PCDHGA7: variants seen among roughly 807,000 people sequenced by gnomAD.
PCDHGA7 encodes protocadherin gamma-A7.
In PCDHGA7, 44 loss-of-function variants were observed where a neutral mutation model predicts 58.3. The observed-to-expected ratio is 0.75, with a 90% CI of 0.59 to 0.97. The LOEUF (loss-of-function observed/expected upper bound fraction) is 0.97. Among genes scored for constraint, PCDHGA7 ranks in the 50% least tolerant of loss-of-function variants. PCDHGA7 has a pLI of 0.00. For synonymous variants in PCDHGA7, 516 were observed against 504.2 expected (o/e 1.02, Z -0.31); for missense variants, 1,266 against 1,188.7 (o/e 1.06, Z -0.96).
Position 141,483,626 on chromosome 5 carries a change from G to A in PCDHGA7, c.2425-11181G>A, listed in dbSNP as rs112905417. On this transcript the variant is annotated intron_variant, in intron 1 of 3. Coordinates refer to ENST00000518325, the MANE Select transcript of PCDHGA7 (RefSeq NM_018920.4). ...TTACACCTCCATCATTCCCATGGGA[G>A]AAGGTATAGAGGGGTGTGTGTTTGT... Among the ~76,000 whole-genome samples the A allele has an allele frequency of 6.0e-4, 90 of 150,886 alleles. 1 individual carries two copies. The highest frequency in any genetic ancestry group is 1.7e-3 in the African/African-American group (69 of 40,378).
Position 141,489,358 on chromosome 5 carries a change from G to C in PCDHGA7, c.2425-5449G>C. 1 of 1,613,144 alleles carries C rather than the reference G, an allele frequency of 6.2e-7. No homozygotes were observed. The highest frequency in any genetic ancestry group is 1.7e-4 in the Middle Eastern group (1 of 6,052). On this transcript the variant is annotated intron_variant, in intron 1 of 3. Coordinates refer to ENST00000518325, the MANE Select transcript of PCDHGA7 (RefSeq NM_018920.4). The surrounding 1 kb of genome is among the most constrained non-coding windows in gnomAD (Gnocchi z 4.5). ...TCGTTACTCAGTGGTGGAGGAGTCT[G>C]AGCCGGGGACGCTGGTGGGGAATGT...
rs2099883798 is a variant in PCDHGA7, at chr5:141,511,451, AT to A, written c.*281del. On this transcript the variant is annotated 3_prime_UTR_variant, in exon 4 of 4. Transcript: ENST00000518325. ...GGGGTTACTGTAGACACCAAGAACC[AT>A]TTGCCACACCCCGTTTAGTTACAGC... The A allele has an allele frequency of 3.3e-6, 2 of 606,372 alleles. No individual in the cohort carries two copies. Among genetic ancestry groups the A allele is most frequent in the African/African-American group, 1.9e-5 (1 of 53,734 alleles). 37.6% of individuals were successfully genotyped at this position (606,372 alleles called of 1,614,324 possible).
At position 141,404,150 on chromosome 5, in the gene PCDHGA7, G is replaced by A. The variant is rs1325217999; in HGVS notation, c.2424+18827G>A. ...TTTTACATTAGAAAATTCAGAAGAA[G>A]ATTATTACAGATTGTTGACGGCCCA... is the stretch of plus-strand genomic sequence containing the variant. On this transcript the variant is annotated intron_variant, in intron 1 of 3. Coordinates refer to ENST00000518325, the MANE Select transcript of PCDHGA7 (RefSeq NM_018920.4). 5.0e-6 allele frequency: 8 copies of A among 1,612,830 alleles called. 1 individual carries two copies. In the Middle Eastern group the frequency reaches 6.6e-4, roughly 133 times the overall value.
At chr5:141,482,852 A>G (rs1237049208) in intron 1 of PCDHGA7, among the ~76,000 whole-genome samples, 1 of 144,420 alleles carries the variant, frequency 6.9e-6, no homozygotes, top group Non-Finnish European at 1.5e-5. Flanking sequence ...TGGGCAGATC[A>G]CTTGAGGTCA....
intron 1 of PCDHGA7, chr5:141,442,378 GGT>G (rs2098320015): frequency 6.6e-6 from 1 of 152,334 alleles, no homozygotes; most frequent in Middle Eastern, 3.4e-3. Context: ...ATTCCTACCA[GGT>G]GTGTGCTTCT....
intron 1 of PCDHGA7, among the ~76,000 whole-genome samples, chr5:141,482,767 A>G (rs2099572087): frequency 6.6e-6 from 1 of 150,474 alleles, no homozygotes; most frequent in East Asian, 1.9e-4. Flanking sequence ...TTTCATTATC[A>G]CTGAACCTTA....
At chr5:141,413,763 G>A (rs964376306) in intron 1 of PCDHGA7, 6 of 1,612,814 alleles carry the variant, frequency 3.7e-6, no homozygotes, top group Non-Finnish European at 5.1e-6. Context: ...TCAAGTACCC[G>A]GAGCTGGTAC....
chr5:141,458,718 C>T (rs569153299), intron 1 of PCDHGA7, among the ~76,000 whole-genome samples: 3 of 151,942 alleles, frequency 2.0e-5, no homozygotes, highest in African/African-American at 4.8e-5. Context: ...TACAGGTATT[C>T]GCCACCACAT....
chr5:141,421,597 AT>A (rs2096587022), intron 1 of PCDHGA7: 1 of 1,613,878 alleles, frequency 6.2e-7, no homozygotes, highest in Non-Finnish European at 8.5e-7. Flanking sequence ...GGAGGTGGAA[AT>A]AATAGATATT....
chr5:141,440,393 G>A (rs1444541990), intron 1 of PCDHGA7: 1 of 152,180 alleles, frequency 6.6e-6, no homozygotes, highest in Admixed American at 6.5e-5. Flanking sequence ...TTGAACCCGA[G>A]AGGCAATCGC....
At position 141,471,056 on chromosome 5, in the gene PCDHGA7, T is replaced by C. The variant is rs1367189715; in HGVS notation, c.2425-23751T>C. On this transcript the variant is annotated intron_variant, in intron 1 of 3. Coordinates refer to ENST00000518325, the MANE Select transcript of PCDHGA7 (RefSeq NM_018920.4). ...ACAAGCCCAAGCCCTCTTTTTTTTT[T>C]TTTTTTTTTTGAGACAGGGTCTCCC... Among the ~76,000 whole-genome samples, 581 of 150,056 alleles carry C rather than the reference T, an allele frequency of 3.9e-3. 6 individuals are homozygous for C. Among genetic ancestry groups the C allele is most frequent in the Admixed American group, 0.011 (167 of 15,092 alleles).
rs1486554010 is a variant in PCDHGA7 at position 141,431,630 on chromosome 5, G to C, written c.2424+46307G>C. Reference sequence around the variant, plus strand: ...GTATGTGGACGACAAGGCGGCCCAAGTTTTCAAACTAGATTGTAATTCAGG... The same window carrying C: ...GTATGTGGACGACAAGGCGGCCCAACTTTTCAAACTAGATTGTAATTCAGG... On this transcript the variant is annotated intron_variant, in intron 1 of 3. Transcript: ENST00000518325. This position sits in a 1 kb window ranked among gnomAD's most constrained non-coding sequence, Gnocchi z 4.8. 6.2e-7 allele frequency: 1 copy of C among 1,614,250 alleles called. No individual in the cohort carries two copies. Among genetic ancestry groups the C allele is most frequent in the East Asian group, 2.2e-5 (1 of 44,882 alleles).
intron 1 of PCDHGA7, chr5:141,427,887 C>T (rs759734297): frequency 3.8e-6 from 6 of 1,565,908 alleles, no homozygotes; most frequent in South Asian, 1.1e-5. Flanking sequence ...GGCCCACGAC[C>T]AGGGCTCGCC....
In PCDHGA7 at chr5:141,432,986, G is replaced by A. The variant is rs2097557714; in HGVS notation, c.2424+47663G>A. ...AGCGCCGGCGTCGCACTTTGTGGGC[G>A]TGGACGGGGTGCAGGCTTTCCTGCA... On this transcript the variant is annotated intron_variant, in intron 1 of 3. Transcript: ENST00000518325. This position sits in a 1 kb window ranked among gnomAD's most constrained non-coding sequence, Gnocchi z 6.0. 6 of 1,614,258 alleles carry A rather than the reference G, an allele frequency of 3.7e-6. No individual in the cohort carries two copies. In the Middle Eastern group the frequency reaches 4.9e-4, roughly 133 times the overall value.
chr5:141,443,274 A>G (rs1259320198), intron 1 of PCDHGA7, among the ~76,000 whole-genome samples: 12 of 151,534 alleles, frequency 7.9e-5, no homozygotes, highest in African/African-American at 1.7e-4. Context: ...TGAGCCCAGG[A>G]GTTTGAGACC....
chr5:141,422,150 T>A (rs773805631), intron 1 of PCDHGA7: 1 of 1,577,174 alleles, frequency 6.3e-7, no homozygotes, highest in Non-Finnish European at 8.6e-7. Context: ...CGGGGGTCTC[T>A]GGATTTTGAA....
chr5:141,461,392 A>G (rs781666201), intron 1 of PCDHGA7, among the ~76,000 whole-genome samples: 18 of 152,178 alleles, frequency 1.2e-4, no homozygotes, highest in Non-Finnish European at 2.2e-4. Context: ...ATGATTAGCG[A>G]TGTTGAGCAT....
At position 141,429,387 on chromosome 5, in the gene PCDHGA7, TAAAAA is replaced by T. The variant is rs11410533; in HGVS notation, c.2424+44068_2424+44072del. On this transcript the variant is annotated intron_variant, in intron 1 of 3. Transcript: ENST00000518325. ...AAATGGAGAAAATGTGTTTTTTTTT[TAAAAA>T]AAATTGAGATTAAGGTCTCATTATG... 8.8e-4 allele frequency among the ~76,000 whole-genome samples: 134 copies of T among 151,448 alleles called. 1 individual carries two copies. Among genetic ancestry groups the T allele is most frequent in the Non-Finnish European group, 1.5e-3 (103 of 67,818 alleles).
intron 1 of PCDHGA7, chr5:141,423,619 T>A (rs1389600826): frequency 1.2e-6 from 2 of 1,608,208 alleles, no homozygotes; most frequent in Non-Finnish European, 1.7e-6. Context: ...AGCTGAAGAC[T>A]CAGCTATCAT....
Sources: gnomAD v4.1 joint callset for allele counts (sites outside exome capture counted in the v4.1 genomes callset) on GRCh38, gnomAD v4.1.1 for gene constraint, Gnocchi (gnomAD v3.1) non-coding constraint, MANE v1.5 for transcripts, NCBI Gene and HGNC (gene_info 2026-07-23, HGNC 2026-07-21) for gene names.